Variants in PUSL1 observed in about 807,000 individuals in gnomAD.
The protein encoded by PUSL1 is tRNA pseudouridine synthase-like 1.
A neutral mutation model predicts 30.7 loss-of-function variants in PUSL1; 51 were observed. The observed-to-expected ratio is 1.66, with a 90% confidence interval of 1.33 to 2.10. The LOEUF is 2.10. Among genes scored for constraint, PUSL1 ranks in the 30% most tolerant of loss-of-function variants. The pLI is 0.00. For synonymous variants in PUSL1, 290 were observed against 192.1 expected (o/e 1.51, Z -4.21); for missense variants, 609 against 427.6 (o/e 1.42, Z -3.74).
Position 1,309,218 on chromosome 1 carries a change from C to G in PUSL1, c.268C>G (p.Pro90Ala), listed in dbSNP as rs1047308029. 9 of 1,522,920 alleles carry G rather than the reference C, an allele frequency of 5.9e-6. No homozygotes were observed. In the African/African-American group the frequency reaches 1.2e-4, roughly 21 times the overall value. The allele number at this position is 1,522,920 out of a possible 1,614,324, so 94.3% of individuals were successfully genotyped here. A position where few individuals can be genotyped will look rare whatever the true frequency, so the allele number is the denominator to read the frequency against. Residue 90 changes from proline to alanine, a missense_variant, in exon 3 of 8, where the codon CCG becomes GCG. Coordinates refer to ENST00000379031, the MANE Select transcript of PUSL1 (RefSeq NM_153339.3). ...GCGCCGCTCAGGCCGGCCGCCCTTC[C>G]CGCCCGAGGTCCTGGCCGAGGCCCT... ...VQRRSGRPPFPPEVLAEALNT... is the reference protein window; with the variant it reads ...VQRRSGRPPFAPEVLAEALNT...
chr1:1,309,922 C>T (rs1642020902), intron 5 of PUSL1, 71 bp downstream of exon 5: 9 of 1,259,780 alleles, frequency 7.1e-6, no homozygotes, highest in South Asian at 1.6e-5. Flanking sequence ...GCACCTCCCC[C>T]AGTTTTAAGG....
intron 4 of PUSL1, 23 bp from the exon 5 acceptor site, chr1:1,309,658 G>A (rs1182600784): frequency 6.3e-7 from 1 of 1,596,760 alleles, no homozygotes; most frequent in Non-Finnish European, 8.6e-7. Flanking sequence ...CCACCCTCCT[G>A]ACGGTCACCC....
At chr1:1,310,574 T>C (rs770137893) in intron 5 of PUSL1, 60 bp from the exon 6 acceptor site, 10 of 1,324,348 alleles carry the variant, frequency 7.6e-6, no homozygotes, top group African/African-American at 4.4e-5. Flanking sequence ...CAAGGCCACA[T>C]AGTAGGCTGA....
Position 1,309,732 on chromosome 1 carries a change from A to G in PUSL1, c.525A>G (p.Thr175=). 5 of 1,600,616 alleles carry G rather than the reference A, an allele frequency of 3.1e-6. No homozygotes were observed. Among genetic ancestry groups the G allele is most frequent in the Non-Finnish European group, 3.4e-6 (4 of 1,173,630 alleles). Residue 175 remains threonine, a synonymous_variant, in exon 5 of 8, where the codon ACA becomes ACG. Coordinates refer to ENST00000379031, the MANE Select transcript of PUSL1 (RefSeq NM_153339.3). ...MQEAAQHLLG[T]HDFSAFQSAG... ...AAGCCGCCCAGCACCTCCTCGGCAC[A>G]CACGACTTCAGCGCCTTCCAGTCCG... is the stretch of plus-strand genomic sequence containing the variant.
At chr1:1,309,008 G>A (rs752812628) in intron 2 of PUSL1, 36 bp downstream of exon 2, 36 of 1,394,992 alleles carry the variant, frequency 2.6e-5, no homozygotes, top group Non-Finnish European at 3.0e-5. Flanking sequence ...CCGGTGAGGG[G>A]TAAGGGGGAG....
intron 2 of PUSL1, 33 bp from the exon 3 acceptor site, chr1:1,309,053 C>A: frequency 1.4e-6 from 2 of 1,403,366 alleles, no homozygotes; most frequent in Non-Finnish European, 1.8e-6. Flanking sequence ...TCCGGCCTCG[C>A]TCACCCGCCC....
chr1:1,310,304 G>A lies in PUSL1; in HGVS notation c.645-330G>A, dbSNP rs1044434262. On this transcript the variant is annotated intron_variant, in intron 5 of 7. Transcript: ENST00000379031. Reference sequence around the variant, plus strand: ...GCAGAGCAGCAGGTACAGGACTGGGGGTCTCTGGCACCCGCACCAGCCACG... The same window carrying A: ...GCAGAGCAGCAGGTACAGGACTGGGAGTCTCTGGCACCCGCACCAGCCACG... 3.1e-5 allele frequency: 12 copies of A among 390,364 alleles called. 1 individual carries two copies. In the South Asian group the frequency reaches 3.7e-4, roughly 12 times the overall value. The allele number at this position is 390,364 out of a possible 1,614,324, so 24.2% of individuals were successfully genotyped here.
rs1380570226 is a variant in PUSL1 at position 1,309,273 on chromosome 1, G to T, written c.323G>T (p.Arg108Met). Reference sequence around the variant, plus strand: ...ACACACCTGCGGCACCCGGCCATCAGGTGAGCCCGCGACCTAAGCAGCCCT... The same window carrying T: ...ACACACCTGCGGCACCCGGCCATCATGTGAGCCCGCGACCTAAGCAGCCCT... Reference protein sequence around the residue: ...LNTHLRHPAIRVLRAFRVPSD... With the variant: ...LNTHLRHPAIMVLRAFRVPSD... The change falls in exon 3 of 8, where the codon AGG becomes ATG. Residue 108 changes from arginine to methionine, a missense_variant and splice_region_variant. By Grantham distance (91) the Arg-to-Met change is moderately conservative. Coordinates refer to ENST00000379031, the MANE Select transcript of PUSL1 (RefSeq NM_153339.3). 2 of 1,480,412 alleles carry T rather than the reference G, an allele frequency of 1.4e-6. No individual in the cohort carries two copies. The highest frequency in any genetic ancestry group is 2.8e-5 in the African/African-American group (2 of 71,650). 91.7% of individuals were successfully genotyped at this position (1,480,412 alleles called of 1,614,324 possible). A position where few individuals can be genotyped will look rare whatever the true frequency, so the allele number is the denominator to read the frequency against.
chr1:1,309,006 G>T (rs377524482), intron 2 of PUSL1, 34 bp downstream of exon 2: 3 of 1,395,436 alleles, frequency 2.1e-6, no homozygotes, highest in African/African-American at 1.5e-5. Flanking sequence ...GCCCGGTGAG[G>T]GGTAAGGGGG....
At position 1,309,132 on chromosome 1, in the gene PUSL1, T is replaced by A; in HGVS notation, c.182T>A (p.Ile61Asn). The change falls in exon 3 of 8, where the codon ATC (isoleucine) becomes AAC (asparagine). Residue 61 changes from isoleucine (I) to asparagine (N), a missense_variant. Physicochemically the swap from Ile to Asn is moderately radical, Grantham distance 149. Coordinates refer to ENST00000379031, the MANE Select transcript of PUSL1 (RefSeq NM_153339.3). Reference sequence around the variant, plus strand: ...TCCGTGGAGCCGGTCAGGTTCACCATCTCCAGCCGCACGGACGCCGGGGTC... The same window carrying A: ...TCCGTGGAGCCGGTCAGGTTCACCAACTCCAGCCGCACGGACGCCGGGGTC... The part of the protein sequence containing the change: ...LNSVEPVRFT[I>N]SSRTDAGVHA... 6.5e-7 allele frequency: 1 copy of A among 1,528,048 alleles called. No individual in the cohort carries two copies. The allele number at this position is 1,528,048 out of a possible 1,614,324, so 94.7% of individuals were successfully genotyped here.
chr1:1,309,966 C>T, intron 5 of PUSL1, 115 bp downstream of exon 5: 1 of 831,108 alleles, frequency 1.2e-6, no homozygotes, highest in Non-Finnish European at 1.8e-6. Flanking sequence ...GCCGGGAGTC[C>T]TCAGGACCTG....
chr1:1,310,219 T>G, intron 5 of PUSL1: 1 of 344,100 alleles, frequency 2.9e-6, no homozygotes, highest in Non-Finnish European at 5.3e-6. Context: ...GACCAGAACC[T>G]CCCCTATTGG....
In PUSL1 at chr1:1,309,781, G is replaced by A. The variant is rs1016738175; in HGVS notation, c.574G>A (p.Val192Met). 6 of 1,565,154 alleles carry A rather than the reference G, an allele frequency of 3.8e-6. No individual in the cohort carries two copies. The change falls in exon 5 of 8, where the codon GTG (valine) becomes ATG (methionine). Residue 192 changes from valine (V) to methionine (M), a missense_variant. Val to Met is a conservative substitution (Grantham distance 21). Coordinates refer to ENST00000379031, the MANE Select transcript of PUSL1 (RefSeq NM_153339.3). ...CGCTGGCAGCCCGGTGCCGAGCCCC[G>A]TGCGAACGCTGCGCCGGGTCTCCGT... is the stretch of plus-strand genomic sequence containing the variant. ...QSAGSPVPSP[V>M]RTLRRVSVSP...
chr1:1,311,676 G>A lies in PUSL1; in HGVS notation c.*297G>A. Reference sequence around the variant, plus strand: ...CCAGGAATAAAGGCAAGACAGCCTGGAGACCAGTTTGTTTCTTCAGCTGCA... The same window carrying A: ...CCAGGAATAAAGGCAAGACAGCCTGAAGACCAGTTTGTTTCTTCAGCTGCA... On this transcript the variant is annotated 3_prime_UTR_variant, in exon 8 of 8. Transcript: ENST00000379031. The A allele has an allele frequency of 1.4e-6, 1 of 723,658 alleles. No homozygotes were observed. The highest frequency in any genetic ancestry group is 2.1e-5 in the Admixed American group (1 of 47,114). The allele number at this position is 723,658 out of a possible 1,614,324, so 44.8% of individuals were successfully genotyped here.
intron 4 of PUSL1, 27 bp downstream of exon 4, chr1:1,309,630 G>GGGGC: frequency 6.3e-7 from 1 of 1,597,336 alleles, no homozygotes; most frequent in East Asian, 2.3e-5. Flanking sequence ...CAGCGGGGAG[G>GGGGC]GGGCGGGCAG....
chr1:1,309,436 CT>C lies in PUSL1; in HGVS notation c.324-15del. On this transcript the variant is annotated splice_polypyrimidine_tract_variant and intron_variant, in intron 3 of 7. Coordinates refer to ENST00000379031, the MANE Select transcript of PUSL1 (RefSeq NM_153339.3). ...CGGGCGGGGTCGTTCCTCCGGTGAGCTTTACCTGCCGCCATAGGGTCCTGCG... is the reference window on the plus strand; with the variant it reads ...CGGGCGGGGTCGTTCCTCCGGTGAGCTTACCTGCCGCCATAGGGTCCTGCG... 1 of 1,583,022 alleles carries C rather than the reference CT, an allele frequency of 6.3e-7. No individual in the cohort carries two copies. Among genetic ancestry groups the C allele is most frequent in the Non-Finnish European group, 8.6e-7 (1 of 1,164,904 alleles).
chr1:1,310,374 G>C, intron 5 of PUSL1: 1 of 503,114 alleles, frequency 2.0e-6, no homozygotes, highest in South Asian at 2.8e-5. Flanking sequence ...CCCAGGGCAA[G>C]CCCCTCTGGG....
chr1:1,310,701 C>T lies in PUSL1; in HGVS notation c.699+13C>T, dbSNP rs1557623781. 4 of 1,611,528 alleles carry T rather than the reference C, an allele frequency of 2.5e-6. No homozygotes were observed. In the South Asian group the frequency reaches 4.4e-5, roughly 18 times the overall value. ...CCTGTATAGACAGGTAGGCTCTGTT[C>T]TGGGGCCGTCCCCAGGGGGTGGGGC... On this transcript the variant is annotated intron_variant, in intron 6 of 7. Transcript: ENST00000379031.
chr1:1,311,050 T>A lies in PUSL1; in HGVS notation c.841T>A (p.Ser281Thr). The change falls in exon 7 of 8, where the codon TCA becomes ACA. Residue 281 changes from serine (S) to threonine (T), a missense_variant. Transcript: ENST00000379031. The stretch of plus-strand genomic sequence containing the variant: ...CCCAGCCCACGGCTTATTCCTCAAG[T>A]CAGTGCTGTACGGGAACCTCGGTAA... ...VAPAHGLFLK[S>T]VLYGNLGAAS... 1 of 1,610,006 alleles carries A rather than the reference T, an allele frequency of 6.2e-7. No homozygotes were observed. The highest frequency in any genetic ancestry group is 8.5e-7 in the Non-Finnish European group (1 of 1,177,820).
Sources: allele counts gnomAD v4.1 joint callset, GRCh38; gene constraint gnomAD v4.1.1; transcripts MANE v1.5; gene names NCBI Gene and HGNC (gene_info 2026-07-23, HGNC 2026-07-21).